ASIC2: variants seen among roughly 807,000 people sequenced by gnomAD.
The protein encoded by ASIC2 is acid-sensing ion channel 2.
ASIC2 carries 25 observed loss-of-function variants against 57.3 expected under a neutral mutation model. That is an observed-to-expected ratio of 0.44 (90% CI 0.32 to 0.61). The LOEUF is 0.61. ASIC2 is among the 20% of genes least tolerant of loss of function. ASIC2 has a pLI of 0.06. For synonymous variants in ASIC2, 319 were observed against 307.5 expected (o/e 1.04, Z -0.39); for missense variants, 641 against 738.1 (o/e 0.87, Z 1.52).
At chr17:33,040,441 A>G (rs539391094) in intron 3 of ASIC2, among the ~76,000 whole-genome samples, 1 of 152,324 alleles carries the variant, frequency 6.6e-6, no homozygotes, top group East Asian at 1.9e-4. Context: ...AGCCTAATGT[A>G]TCTGCTCCAC....
chr17:33,647,728 A>C (rs1044424566), intron 1 of ASIC2, among the ~76,000 whole-genome samples: 1 of 152,216 alleles, frequency 6.6e-6, no homozygotes, highest in Non-Finnish European at 1.5e-5. Context: ...GGATGGGCAA[A>C]ATGAAAGCCA....
intron 1 of ASIC2, among the ~76,000 whole-genome samples, chr17:33,463,293 C>T (rs757456648): frequency 7.2e-5 from 11 of 152,192 alleles, no homozygotes; most frequent in Non-Finnish European, 1.6e-4. Context: ...GCTCTGTTGG[C>T]ATCATCCCCA....
At chr17:33,078,548 C>T (rs146088216) in intron 3 of ASIC2, among the ~76,000 whole-genome samples, 15 of 152,288 alleles carry the variant, frequency 9.8e-5, no homozygotes, top group East Asian at 1.9e-4. Context: ...AATCTTTTCC[C>T]GTAAGAGTTT....
At chr17:33,599,763 C>T (rs955340071) in intron 1 of ASIC2, among the ~76,000 whole-genome samples, 5 of 152,100 alleles carry the variant, frequency 3.3e-5, no homozygotes, top group African/African-American at 9.7e-5. Flanking sequence ...ACAGGCCTTC[C>T]CTGTGCTTGG....
intron 3 of ASIC2, among the ~76,000 whole-genome samples, chr17:33,061,560 T>G (rs1040964547): frequency 1.1e-4 from 17 of 152,240 alleles, no homozygotes; most frequent in African/African-American, 3.4e-4. Flanking sequence ...TGGATTTGGT[T>G]TGCCAGTATT....
chr17:33,213,518 T>C lies in ASIC2; in HGVS notation c.708+77890A>G, dbSNP rs1308981601. On this transcript the variant is annotated intron_variant, in intron 1 of 9. Transcript: ENST00000225823. ...GACAAGGCCTGGGAGTGAAGCTCAG[T>C]GGCTGTAGCATGGCTTAACTGAAAG... Among the ~76,000 whole-genome samples, 90 of 152,314 alleles carry C rather than the reference T, an allele frequency of 5.9e-4. 1 individual carries two copies. The highest frequency in any genetic ancestry group is 7.3e-5 in the Non-Finnish European group (5 of 68,030).
At chr17:33,119,663 A>AT (rs2092293883) in intron 1 of ASIC2, among the ~76,000 whole-genome samples, 1 of 152,248 alleles carries the variant, frequency 6.6e-6, no homozygotes, top group African/African-American at 2.4e-5. Flanking sequence ...TGAAACAGGA[A>AT]TTTTTTGACC....
At chr17:33,976,491 A>G (rs563569368) in intron 1 of ASIC2, 11 of 152,024 alleles carry the variant, frequency 7.2e-5, no homozygotes, top group African/African-American at 2.4e-4. Context: ...CACCCTCCCA[A>G]TTGCTCTCTT....
rs190447319 is a variant in ASIC2, at chr17:33,824,751, G to C, written c.555+331227C>G. On this transcript the variant is annotated intron_variant, in intron 1 of 9. Transcript: ENST00000359872. ...AGATCTGATGGTTTTATAAAGGGGA[G>C]TTCCCCTGCACAAGCTGTCTTGCAA... Among the ~76,000 whole-genome samples the C allele has an allele frequency of 1.8e-4, 23 of 124,578 alleles. No individual in the cohort carries two copies. The Middle Eastern group carries it at 0.012, about 63-fold the overall frequency. The allele number at this position is 124,578 out of a possible 152,430, so 81.7% of individuals were successfully genotyped here. A position where few individuals can be genotyped will look rare whatever the true frequency, so the allele number is the denominator to read the frequency against.
chr17:33,901,542 G>T (rs1915232025), intron 1 of ASIC2, among the ~76,000 whole-genome samples: 1 of 152,110 alleles, frequency 6.6e-6, no homozygotes, highest in Admixed American at 6.5e-5. Context: ...TCAGTACTAG[G>T]GGGTAAAAAG....
At chr17:33,071,025 G>A (rs868292923) in intron 3 of ASIC2, among the ~76,000 whole-genome samples, 3 of 151,912 alleles carry the variant, frequency 2.0e-5, no homozygotes, top group South Asian at 4.2e-4. Flanking sequence ...TTCTCTGGAC[G>A]CTTTTAACAT....
At chr17:33,891,910 G>A (rs1914969419) in intron 1 of ASIC2, among the ~76,000 whole-genome samples, 1 of 152,174 alleles carries the variant, frequency 6.6e-6, no homozygotes, top group South Asian at 2.1e-4. Flanking sequence ...AGCTATTTGG[G>A]TGGTGGTTTC....
intron 1 of ASIC2, among the ~76,000 whole-genome samples, chr17:33,870,870 A>G (rs1914386643): frequency 6.6e-6 from 1 of 152,178 alleles, no homozygotes; most frequent in African/African-American, 2.4e-5. Context: ...GCTTAATATA[A>G]GTGCTAAACA....
chr17:33,364,539 T>C (rs910924764), intron 1 of ASIC2, among the ~76,000 whole-genome samples: 8 of 152,128 alleles, frequency 5.3e-5, no homozygotes, highest in Non-Finnish European at 1.0e-4. Flanking sequence ...CTCGTGATAG[T>C]GAGTGAGTTC....
intron 1 of ASIC2, among the ~76,000 whole-genome samples, chr17:33,335,807 A>G (rs939255610): frequency 1.3e-5 from 2 of 152,212 alleles, no homozygotes; most frequent in African/African-American, 4.8e-5. Context: ...CCATGTTAGT[A>G]CTTGGGGCCA....
chr17:33,423,670 T>A (rs1168352970), intron 1 of ASIC2, among the ~76,000 whole-genome samples: 2 of 151,356 alleles, frequency 1.3e-5, no homozygotes, highest in African/African-American at 4.8e-5. Flanking sequence ...TTCAGCAAAT[T>A]GGCTGCTGCA....
intron 1 of ASIC2, among the ~76,000 whole-genome samples, chr17:33,578,627 G>A (rs1916726257): frequency 1.3e-5 from 2 of 152,104 alleles, no homozygotes; most frequent in Non-Finnish European, 2.9e-5. Flanking sequence ...TTGGGGTTCA[G>A]TCACTATGTC....
chr17:34,102,999 T>A (rs1480754061), intron 1 of ASIC2, among the ~76,000 whole-genome samples: 1 of 152,250 alleles, frequency 6.6e-6, no homozygotes, highest in African/African-American at 2.4e-5. Context: ...TAAATTGTCA[T>A]TTTATTGTTG....
chr17:33,023,823 T>G lies in ASIC2; in HGVS notation c.1349+38A>C, dbSNP rs1555563662. 27 of 1,611,514 alleles carry G rather than the reference T, an allele frequency of 1.7e-5. No individual in the cohort carries two copies. In the South Asian group the frequency reaches 2.6e-4, roughly 16 times the overall value. ...GCCTCCAATTTCCTCCTTATCCAGT[T>G]CCCCCTTCCCCCTGCCTACCATGCC... On this transcript the variant is annotated intron_variant, in intron 6 of 9. Coordinates refer to ENST00000225823, the MANE Select transcript of ASIC2 (RefSeq NM_183377.2).
Sources: gnomAD v4.1 joint callset for allele counts (sites outside exome capture counted in the v4.1 genomes callset) on GRCh38, gnomAD v4.1.1 for gene constraint, MANE v1.5 for transcripts, NCBI Gene and HGNC (gene_info 2026-07-23, HGNC 2026-07-21) for gene names.